The following DPH6 variants were observed in gnomAD, a reference collection of about 807,000 sequenced individuals.
DPH6 encodes diphthine--ammonia ligase.
DPH6 carries 33 observed loss-of-function variants against 38.2 expected under a neutral mutation model. That is an observed-to-expected ratio of 0.86 (90% CI 0.65 to 1.15). DPH6 has a LOEUF of 1.15. Ranked by LOEUF, DPH6 falls within the 50% of genes most tolerant of loss-of-function variation. The pLI, the probability that DPH6 is intolerant of heterozygous loss-of-function variation, is 0.00. For missense variants in DPH6, 325 were observed against 320.0 expected, an observed-to-expected ratio of 1.02 and a Z score of -0.12; for synonymous variants, 108 against 103.0, an observed-to-expected ratio of 1.05 and a Z score of -0.30.
intron 3 of DPH6, among the ~76,000 whole-genome samples, chr15:35,348,481 T>C (rs2052481125): frequency 1.3e-5 from 2 of 152,176 alleles, no homozygotes; most frequent in Admixed American, 1.3e-4. Context: ...CTGGGCTCTT[T>C]GTTCTGTTAC....
chr15:35,332,136 C>T (rs987825360), intron 3 of DPH6, among the ~76,000 whole-genome samples: 1 of 152,110 alleles, frequency 6.6e-6, no homozygotes. Flanking sequence ...TCTTCATAAA[C>T]ATAAAGTTTT....
chr15:35,529,207 C>T (rs1454581385), intron 3 of DPH6, among the ~76,000 whole-genome samples: 1 of 152,176 alleles, frequency 6.6e-6, no homozygotes, highest in Non-Finnish European at 1.5e-5. Context: ...GTTTAATCAG[C>T]TCAGGTTTGC....
At chr15:35,238,055 G>A (rs184846127) in intron 3 of DPH6, 4 of 1,561,744 alleles carry the variant, frequency 2.6e-6, no homozygotes, top group Admixed American at 3.3e-5. Context: ...GGGAGAAGAT[G>A]ATGACTAAGT....
At chr15:35,538,497 A>G (rs767247668) in intron 2 of DPH6, 30 bp from the exon 3 acceptor site, 26 of 1,440,850 alleles carry the variant, frequency 1.8e-5, no homozygotes, top group Admixed American at 1.0e-4. Context: ...AATAATTAGC[A>G]AAAGAGAGTG....
intron 3 of DPH6, among the ~76,000 whole-genome samples, chr15:35,460,467 G>A (rs1163426797): frequency 6.6e-6 from 1 of 152,112 alleles, no homozygotes; most frequent in East Asian, 1.9e-4. Context: ...AACCACAGGG[G>A]CTCTCCGACA....
intron 3 of DPH6, among the ~76,000 whole-genome samples, chr15:35,533,822 A>G (rs1050084366): frequency 3.3e-5 from 5 of 152,082 alleles, no homozygotes; most frequent in African/African-American, 4.8e-5. Flanking sequence ...ATCATGACTG[A>G]TCAGTCAGCA....
intron 3 of DPH6, among the ~76,000 whole-genome samples, chr15:35,467,084 T>C (rs78211889): frequency 0.03 from 4,605 of 152,280 alleles, 82 homozygotes; most frequent in East Asian, 0.11. Flanking sequence ...AAATTAAACT[T>C]AGCTTACTGT....
the DPH6 span, among the ~76,000 whole-genome samples, chr15:35,205,231 T>C: frequency 6.6e-6 from 1 of 152,018 alleles, no homozygotes; most frequent in Non-Finnish European, 1.5e-5. Flanking sequence ...GGTTTATTAT[T>C]GGTCCTGAGA....
chr15:35,447,131 A>T (rs1194089049), intron 5 of DPH6, among the ~76,000 whole-genome samples: 1 of 152,002 alleles, frequency 6.6e-6, no homozygotes. Flanking sequence ...GGCCTCCCAA[A>T]GTGCTGGGAT....
chr15:35,283,288 T>C (rs116769773), intron 3 of DPH6, among the ~76,000 whole-genome samples: 4,501 of 150,470 alleles, frequency 0.03, 211 homozygotes, highest in African/African-American at 0.11. Context: ...CCTCTTCTTC[T>C]TCCTCCTCCT....
intron 3 of DPH6, among the ~76,000 whole-genome samples, chr15:35,346,420 A>C (rs1207512561): frequency 1.3e-5 from 2 of 152,046 alleles, no homozygotes; most frequent in East Asian, 3.8e-4. Flanking sequence ...TAAGTTTTCA[A>C]GTTTATTGGC....
chr15:35,512,175 AT>A (rs1440673568), intron 3 of DPH6, among the ~76,000 whole-genome samples: 1 of 152,194 alleles, frequency 6.6e-6, no homozygotes, highest in Non-Finnish European at 1.5e-5. Context: ...CATATAAAAA[AT>A]ATGCCCAAAA....
At chr15:35,205,339 C>G in the DPH6 span, among the ~76,000 whole-genome samples, 1 of 151,898 alleles carries the variant, frequency 6.6e-6, no homozygotes, top group African/African-American at 2.4e-5. Context: ...TCCATTTGTA[C>G]TTGCCAGGGC....
intron 3 of DPH6, chr15:35,331,226 G>A (rs747263210): frequency 1.3e-5 from 2 of 152,110 alleles, no homozygotes; most frequent in Admixed American, 6.6e-5. Context: ...AAGGAAATAC[G>A]TCCCTTCCTT....
chr15:35,451,113 T>G (rs920452867), intron 4 of DPH6, among the ~76,000 whole-genome samples: 2 of 152,132 alleles, frequency 1.3e-5, no homozygotes, highest in Non-Finnish European at 2.9e-5. Flanking sequence ...TTTTAAAACT[T>G]TCATGGGTAT....
chr15:35,181,717 G>T, the DPH6 span: 1 of 152,058 alleles, frequency 6.6e-6, no homozygotes, highest in Non-Finnish European at 1.5e-5. Flanking sequence ...TTTTACAATA[G>T]TTCACATAGA....
intron 3 of DPH6, among the ~76,000 whole-genome samples, chr15:35,488,505 G>A (rs1182852461): frequency 6.6e-6 from 1 of 152,148 alleles, no homozygotes; most frequent in African/African-American, 2.4e-5. Context: ...GAGAGCGAGT[G>A]AGCAAGAAGT....
Position 35,237,423 on chromosome 15 carries a change from A to T in DPH6, n.201-16841T>A, listed in dbSNP as rs188564909. ...GACAACAGTCGGTCGAATGAAGGCA[A>T]ACTCGAAGGCCTCACAGATGAATCT... On this transcript the variant is annotated intron_variant and non_coding_transcript_variant, in intron 3 of 3. Coordinates refer to the DPH6 transcript ENST00000560386. The T allele has an allele frequency of 1.9e-6, 3 of 1,605,212 alleles. No homozygotes were observed. The African/African-American group carries it at 4.0e-5, about 21-fold the overall frequency.
chr15:35,249,350 T>C (rs1043893938), intron 3 of DPH6, among the ~76,000 whole-genome samples: 1 of 152,220 alleles, frequency 6.6e-6, no homozygotes, highest in Non-Finnish European at 1.5e-5. Flanking sequence ...TTGAAAAAGC[T>C]ACATATTTAA....
Sources: allele counts gnomAD v4.1 joint callset (sites outside exome capture counted in the v4.1 genomes callset), GRCh38; gene constraint gnomAD v4.1.1; transcripts MANE v1.5; gene names NCBI Gene and HGNC (gene_info 2026-07-23, HGNC 2026-07-21).